RPS6KA6: variants seen among roughly 807,000 people sequenced by gnomAD.
The protein encoded by RPS6KA6 is ribosomal protein S6 kinase A6.
Under a neutral mutation model 65.4 loss-of-function variants are expected in RPS6KA6, and 27 were observed. The observed-to-expected ratio is 0.41, with a 90% CI of 0.30 to 0.57. The LOEUF (loss-of-function observed/expected upper bound fraction) is 0.57, where lower values mean the gene tolerates loss of function less well. Among genes scored for constraint, RPS6KA6 ranks in the 20% least tolerant of loss-of-function variants. The probability of loss-of-function intolerance (pLI) is 0.24; values close to 1 mark genes in which losing one functional copy is unlikely to be tolerated. For synonymous variants in RPS6KA6, 190 were observed against 184.2 expected (o/e 1.03, Z -0.26); for missense variants, 486 against 555.6 (o/e 0.87, Z 1.26).
intron 20 of RPS6KA6, among the ~76,000 whole-genome samples, chrX:84,067,978 GA>G (rs1472623825): frequency 8.9e-6 from 1 of 111,827 alleles, no homozygotes; most frequent in African/African-American, 3.3e-5. Context: ...CATTCTTAAA[GA>G]AAAGAATTTT....
intron 8 of RPS6KA6, among the ~76,000 whole-genome samples, chrX:84,124,314 C>A (rs963775972): frequency 1.8e-5 from 2 of 111,637 alleles, no homozygotes; most frequent in Admixed American, 1.9e-4. Context: ...AAATAAGGAA[C>A]CAGGAACCAA....
chrX:84,087,325 G>A (rs911243673), intron 20 of RPS6KA6, among the ~76,000 whole-genome samples: 1 of 110,839 alleles, frequency 9.0e-6, no homozygotes, highest in Non-Finnish European at 1.9e-5. Flanking sequence ...TGCTTCCTTC[G>A]GGAGCTCTTG....
At chrX:84,145,369 T>C (rs1043803504) in intron 6 of RPS6KA6, 109 bp downstream of exon 6, 4 of 474,400 alleles carry the variant, frequency 8.4e-6, no homozygotes, top group African/African-American at 7.7e-5. Flanking sequence ...TGAAACAGAG[T>C]AGTTACCATT....
At chrX:84,155,572 C>T (rs2035402407) in intron 3 of RPS6KA6, among the ~76,000 whole-genome samples, 2 of 112,103 alleles carry the variant, frequency 1.8e-5, no homozygotes, top group Non-Finnish European at 3.8e-5. Context: ...TCTCTGAAGA[C>T]TTAAATAAAC....
At chrX:84,090,004 A>G (rs1389558931) in intron 20 of RPS6KA6, among the ~76,000 whole-genome samples, 2 of 112,375 alleles carry the variant, frequency 1.8e-5, no homozygotes, top group East Asian at 2.8e-4. Context: ...ATATAGGAGC[A>G]TAGCAATTTT....
intron 2 of RPS6KA6, among the ~76,000 whole-genome samples, chrX:84,159,969 T>C (rs1256119085): frequency 9.0e-6 from 1 of 111,174 alleles, no homozygotes; most frequent in African/African-American, 3.3e-5. Flanking sequence ...CTCAATCTTA[T>C]AGAATGCAGC....
intron 20 of RPS6KA6, among the ~76,000 whole-genome samples, chrX:84,090,784 A>T (rs1427686404): frequency 8.9e-6 from 1 of 111,766 alleles, no homozygotes; most frequent in Non-Finnish European, 1.9e-5. Flanking sequence ...ATTCAAGATG[A>T]GATTTTGAGT....
intron 13 of RPS6KA6, among the ~76,000 whole-genome samples, chrX:84,107,307 A>G (rs897161514): frequency 1.6e-4 from 18 of 111,727 alleles, no homozygotes; most frequent in Middle Eastern, 4.6e-3. Flanking sequence ...TGAAACTGTA[A>G]AAGACAGAGT....
At chrX:84,086,998 T>G (rs184154167) in intron 20 of RPS6KA6, among the ~76,000 whole-genome samples, 100 of 111,474 alleles carry the variant, frequency 9.0e-4, no homozygotes, top group African/African-American at 3.0e-3. Context: ...CTGTTTTCTA[T>G]TTGCTTGGTA....
intron 8 of RPS6KA6, among the ~76,000 whole-genome samples, chrX:84,124,306 A>G (rs2034735216): frequency 8.9e-6 from 1 of 111,983 alleles, no homozygotes; most frequent in Non-Finnish European, 1.9e-5. Context: ...AATGAACTAA[A>G]TAAGGAACCA....
chrX:84,173,224 G>A (rs972080923), intron 1 of RPS6KA6, among the ~76,000 whole-genome samples: 2 of 111,125 alleles, frequency 1.8e-5, no homozygotes, highest in African/African-American at 6.5e-5. Context: ...TAGACTTAAA[G>A]CTCCTTGAGG....
intron 17 of RPS6KA6, among the ~76,000 whole-genome samples, 199 bp downstream of exon 17, chrX:84,104,300 A>G (rs1285865107): frequency 1.8e-5 from 2 of 111,510 alleles, no homozygotes; most frequent in Non-Finnish European, 3.8e-5. Context: ...TGAATATGCT[A>G]TTAAATCAGG....
chrX:84,172,550 A>G (rs969063015), intron 1 of RPS6KA6, among the ~76,000 whole-genome samples: 7 of 112,304 alleles, frequency 6.2e-5, no homozygotes, highest in African/African-American at 2.3e-4. Flanking sequence ...TATAAAAAGC[A>G]GTATAGCAAT....
chrX:84,115,461 T>C (rs1162525671), intron 12 of RPS6KA6, among the ~76,000 whole-genome samples: 1 of 111,898 alleles, frequency 8.9e-6, no homozygotes, highest in African/African-American at 3.2e-5. Flanking sequence ...ATAACAGATG[T>C]TGGCATGGAT....
At chrX:84,187,614 C>T (rs1468485715) in intron 1 of RPS6KA6, among the ~76,000 whole-genome samples, 3 of 112,136 alleles carry the variant, frequency 2.7e-5, no homozygotes, top group Non-Finnish European at 5.7e-5. Flanking sequence ...GAGCCCGGGC[C>T]CAGGCTGCAC....
intron 6 of RPS6KA6, among the ~76,000 whole-genome samples, chrX:84,140,758 CAT>C (rs1191737057): frequency 5.0e-5 from 4 of 79,303 alleles, no homozygotes; most frequent in Non-Finnish European, 7.5e-5. Flanking sequence ...AAAAAACATA[CAT>C]ATATATATAT....
intron 8 of RPS6KA6, among the ~76,000 whole-genome samples, chrX:84,120,426 C>T (rs1283670370): frequency 9.0e-6 from 1 of 111,287 alleles, no homozygotes; most frequent in East Asian, 2.8e-4. Context: ...TGGTGAGCTT[C>T]CATTTTTGTT....
At chrX:84,170,183 A>G (rs921613711) in intron 1 of RPS6KA6, among the ~76,000 whole-genome samples, 8 of 109,174 alleles carry the variant, frequency 7.3e-5, no homozygotes, top group African/African-American at 1.0e-4. Flanking sequence ...AAAAAAAAAA[A>G]AAAGAAAATA....
chrX:84,169,773 G>A (rs898282780), intron 1 of RPS6KA6, among the ~76,000 whole-genome samples: 1 of 111,788 alleles, frequency 8.9e-6, no homozygotes, highest in Non-Finnish European at 1.9e-5. Flanking sequence ...TATGGGTGAT[G>A]CAAATGATTA....
Sources: allele counts gnomAD v4.1 joint callset (sites outside exome capture counted in the v4.1 genomes callset), GRCh38; gene constraint gnomAD v4.1.1; transcripts MANE v1.5; gene names NCBI Gene and HGNC (gene_info 2026-07-23, HGNC 2026-07-21).